Variants in DNAJB12 observed in about 807,000 individuals in gnomAD.
DNAJB12 encodes dnaJ homolog subfamily B member 12.
DNAJB12 carries 14 observed loss-of-function variants against 40.6 expected under a neutral mutation model. That is an observed-to-expected ratio of 0.34 (90% CI 0.23 to 0.54). The LOEUF (loss-of-function observed/expected upper bound fraction) is 0.54, where lower values mean the gene tolerates loss of function less well. Ranked by LOEUF, DNAJB12 falls within the 20% of genes least tolerant of loss-of-function variation. DNAJB12 has a pLI of 0.92. For synonymous variants in DNAJB12, 181 were observed against 199.5 expected, an observed-to-expected ratio of 0.91 and a Z score of 0.78; for missense variants, 444 against 501.7, an observed-to-expected ratio of 0.89 and a Z score of 1.10.
rs202033197 is a variant in DNAJB12 at position 72,354,726 on chromosome 10, G to C, written c.133+39C>G. ...GTCCGTTCCCGTGTTCCCCCCATCAGTTCTAATGTCCCCAGTCTCTCCGGC... is the reference window on the plus strand; with the variant it reads ...GTCCGTTCCCGTGTTCCCCCCATCACTTCTAATGTCCCCAGTCTCTCCGGC... On this transcript the variant is annotated intron_variant, in intron 1 of 8. Coordinates refer to ENST00000444643, the MANE Select transcript of DNAJB12 (RefSeq NM_017626.7). 1.8e-4 allele frequency: 277 copies of C among 1,561,338 alleles called. 1 individual carries two copies. The East Asian group carries it at 6.2e-3, about 35-fold the overall frequency.
chr10:72,354,504 C>A, intron 1 of DNAJB12: 1 of 447,894 alleles, frequency 2.2e-6, no homozygotes, highest in Non-Finnish European at 4.0e-6. Flanking sequence ...GCGTTTCATT[C>A]TCGGAGACCT....
rs1861435497 is a variant in DNAJB12 at position 72,335,181 on chromosome 10, G to A, written c.*31-564C>T. 2 of 987,614 alleles carry A rather than the reference G, an allele frequency of 2.0e-6. No individual in the cohort carries two copies. The highest frequency in any genetic ancestry group is 2.4e-6 in the Non-Finnish European group (2 of 830,956). 61.2% of individuals were successfully genotyped at this position (987,614 alleles called of 1,614,324 possible). ...GAGAGTGCCTCAGATCCCACCAGAG[G>A]GGGGTGGTCAGGGCCCGCGGCCCCT... On this transcript the variant is annotated intron_variant, in intron 8 of 8. Transcript: ENST00000444643. The surrounding 1 kb of genome is among the most constrained non-coding windows in gnomAD (Gnocchi z 4.4).
intron 1 of DNAJB12, among the ~76,000 whole-genome samples, chr10:72,352,159 G>C (rs192619445): frequency 6.6e-6 from 1 of 152,158 alleles, no homozygotes; most frequent in African/African-American, 2.4e-5. Context: ...AACAGTGCCC[G>C]TACTTTATTC....
At chr10:72,339,652 T>C (rs1209740384) in intron 5 of DNAJB12, among the ~76,000 whole-genome samples, 1 of 152,230 alleles carries the variant, frequency 6.6e-6, no homozygotes, top group African/African-American at 2.4e-5. Flanking sequence ...TTTAGCCAGC[T>C]AGCTGTTCTT....
At position 72,332,901 on chromosome 10, in the gene DNAJB12, A is replaced by AGAGGATCCTT. The variant is rs1861354334; in HGVS notation, c.*1737_*1746dup. Reference sequence around the variant, plus strand: ...TTCTAATTCAAGAAATACAGCTTCCAGAGGATCCTTTAGGATCTATGTTCT... The same window carrying AGAGGATCCTT: ...TTCTAATTCAAGAAATACAGCTTCCAGAGGATCCTTGAGGATCCTTTAGGATCTATGTTCT... On this transcript the variant is annotated 3_prime_UTR_variant, in exon 9 of 9. Coordinates refer to ENST00000444643, the MANE Select transcript of DNAJB12 (RefSeq NM_017626.7). The AGAGGATCCTT allele has an allele frequency of 6.6e-6, 1 of 152,250 alleles. No homozygotes were observed. Among genetic ancestry groups the AGAGGATCCTT allele is most frequent in the Non-Finnish European group, 1.5e-5 (1 of 68,024 alleles). 9.4% of individuals were successfully genotyped at this position (152,250 alleles called of 1,614,324 possible). A position where few individuals can be genotyped will look rare whatever the true frequency, so the allele number is the denominator to read the frequency against.
chr10:72,342,576 C>T (rs538413733), intron 3 of DNAJB12, among the ~76,000 whole-genome samples: 6 of 152,326 alleles, frequency 3.9e-5, no homozygotes, highest in Non-Finnish European at 7.3e-5. Context: ...GCCACAGGCT[C>T]TCCAGCTGGC....
chr10:72,332,908 C>G lies in DNAJB12; in HGVS notation c.*1740G>C, dbSNP rs1390144893. 6.6e-6 allele frequency: 1 copy of G among 152,378 alleles called. No homozygotes were observed. Among genetic ancestry groups the G allele is most frequent in the African/African-American group, 2.4e-5 (1 of 41,332 alleles). The allele number at this position is 152,378 out of a possible 1,614,324, so 9.4% of individuals were successfully genotyped here. On this transcript the variant is annotated 3_prime_UTR_variant, in exon 9 of 9. Transcript: ENST00000444643. ...TCAAGAAATACAGCTTCCAGAGGAT[C>G]CTTTAGGATCTATGTTCTTATTGCA...
chr10:72,347,643 C>T (rs996880216), intron 1 of DNAJB12, among the ~76,000 whole-genome samples: 3 of 152,238 alleles, frequency 2.0e-5, no homozygotes, highest in Admixed American at 6.5e-5. Context: ...CGGCTGGGCG[C>T]TGTGGCTCAC....
At chr10:72,338,855 G>T (rs1315164748) in intron 5 of DNAJB12, among the ~76,000 whole-genome samples, 1 of 150,158 alleles carries the variant, frequency 6.7e-6, no homozygotes, top group East Asian at 1.9e-4. Flanking sequence ...TGGTTCTAGG[G>T]TGCAGAAAAA....
chr10:72,349,199 C>T (rs569523192), intron 1 of DNAJB12, among the ~76,000 whole-genome samples: 5 of 152,104 alleles, frequency 3.3e-5, no homozygotes, highest in African/African-American at 1.2e-4. Flanking sequence ...GTCACGGTGG[C>T]GGAGGATGAA....
intron 5 of DNAJB12, among the ~76,000 whole-genome samples, chr10:72,338,557 CAAAA>C (rs373961270): frequency 8.2e-6 from 1 of 121,628 alleles, no homozygotes. Context: ...GACAGAATGC[CAAAA>C]AAAAAAAAAA....
At chr10:72,334,650 A>G in intron 8 of DNAJB12, 33 bp from the exon 9 acceptor site, 1 of 1,523,688 alleles carries the variant, frequency 6.6e-7, no homozygotes. Flanking sequence ...TTAGCTCGGC[A>G]TTCAGGCGGC....
Position 72,334,968 on chromosome 10 carries a change from C to T in DNAJB12, c.*31-351G>A, listed in dbSNP as rs148289792. 7.6e-4 allele frequency: 861 copies of T among 1,129,360 alleles called. 3 individuals carry two copies. The African/African-American group carries it at 8.3e-3, about 11-fold the overall frequency. 70.0% of individuals were successfully genotyped at this position (1,129,360 alleles called of 1,614,324 possible). A position where few individuals can be genotyped will look rare whatever the true frequency, so the allele number is the denominator to read the frequency against. On this transcript the variant is annotated intron_variant, in intron 8 of 8. Coordinates refer to ENST00000444643, the MANE Select transcript of DNAJB12 (RefSeq NM_017626.7). ...GGGAACAGAGCCCAGCGCCCCCATT[C>T]GCCGGGCTGCAGAAGGAGGGAGCCT... is the stretch of plus-strand genomic sequence containing the variant.
At chr10:72,347,131 T>C (rs1399062382) in intron 1 of DNAJB12, among the ~76,000 whole-genome samples, 1 of 152,016 alleles carries the variant, frequency 6.6e-6, no homozygotes, top group Non-Finnish European at 1.5e-5. Context: ...CGCCGGCTAA[T>C]TGTATTTTTA....
At chr10:72,354,375 T>C (rs567656853) in intron 1 of DNAJB12, 19 of 184,628 alleles carry the variant, frequency 1.0e-4, no homozygotes, top group Admixed American at 7.8e-4. Context: ...GAGTTATGTT[T>C]ATTTTCCTGA....
In DNAJB12 at chr10:72,336,690, C is replaced by T; in HGVS notation, c.840G>A (p.Val280=). The change falls in exon 7 of 9, where the codon GTG becomes GTA. Residue 280 remains valine, a synonymous_variant. Transcript: ENST00000444643. ...CAGTGACTCGCCTGTGGATGTGGCC[C>T]ACGGACCTGGCCAGAAATACCAGGT... The part of the protein sequence containing the change: ...PPYSLSPRPS[V]GHIHRRVTDH... 1 of 1,613,818 alleles carries T rather than the reference C, an allele frequency of 6.2e-7. No homozygotes were observed. The highest frequency in any genetic ancestry group is 8.5e-7 in the Non-Finnish European group (1 of 1,179,812).
intron 1 of DNAJB12, 48 bp downstream of exon 1, chr10:72,354,717 C>CCCCCA: frequency 6.6e-7 from 1 of 1,522,372 alleles, no homozygotes. Flanking sequence ...TCCCGTGTTC[C>CCCCCA]CCCCATCAGT....
Position 72,345,100 on chromosome 10 carries a change from G to C in DNAJB12, c.161C>G (p.Pro54Arg), listed in dbSNP as rs1380831577. Residue 54 changes from proline (P) to arginine (R), a missense_variant, in exon 2 of 9, where the codon CCA becomes CGA. Pro to Arg is a moderately radical substitution (Grantham distance 103). Transcript: ENST00000444643. Reference protein sequence around the residue: ...RALIESLNQKPQTAGDQPPPT... With the variant: ...RALIESLNQKRQTAGDQPPPT... ...TGGGGGTTGGTCACCGGCAGTCTGTGGTTTCTGGTTGAGGGACTCAATCAG... is the reference window on the plus strand; with the variant it reads ...TGGGGGTTGGTCACCGGCAGTCTGTCGTTTCTGGTTGAGGGACTCAATCAG... 9.9e-6 allele frequency: 16 copies of C among 1,613,392 alleles called. No individual in the cohort carries two copies. The South Asian group carries it at 1.8e-4, about 18-fold the overall frequency.
At chr10:72,337,389 G>A (rs1861507112) in intron 6 of DNAJB12, among the ~76,000 whole-genome samples, 2 of 152,186 alleles carry the variant, frequency 1.3e-5, no homozygotes, top group African/African-American at 4.8e-5. Context: ...CCACCTTTTG[G>A]GAGAGGGGGA....
Sources: allele counts gnomAD v4.1 joint callset (sites outside exome capture counted in the v4.1 genomes callset), GRCh38; gene constraint gnomAD v4.1.1; non-coding constraint Gnocchi (gnomAD v3.1); transcripts MANE v1.5; gene names NCBI Gene and HGNC (gene_info 2026-07-23, HGNC 2026-07-21).